NAXD: variants seen among roughly 807,000 people sequenced by gnomAD.
The protein encoded by NAXD is NAD(P)HX dehydratase.
Under a neutral mutation model 35.8 loss-of-function variants are expected in NAXD, and 22 were observed. The ratio of observed to expected loss-of-function variants is 0.62; its 90% CI spans 0.44 to 0.88. NAXD has a LOEUF of 0.88. Among genes scored for constraint, NAXD ranks in the 40% least tolerant of loss-of-function variants. NAXD has a pLI of 0.00. For synonymous variants in NAXD, 189 were observed against 177.6 expected, an observed-to-expected ratio of 1.06 and a Z score of -0.51; for missense variants, 428 against 437.7, an observed-to-expected ratio of 0.98 and a Z score of 0.20.
chr13:110,637,229 T>G lies in NAXD; in HGVS notation c.819T>G (p.Ala273=). ...TCCTGGTACACTGGGCGCTCCTTGC[T>G]GGACCACAGAAAACAAATGGGTAAG... is the stretch of plus-strand genomic sequence containing the variant. The part of the protein sequence containing the change: ...LGVLVHWALL[A]GPQKTNGSSP... The change falls in exon 9 of 10, where the codon GCT becomes GCG. Residue 273 remains alanine, a synonymous_variant. Coordinates refer to ENST00000680254, the MANE Select transcript of NAXD (RefSeq NM_001242882.2). The G allele has an allele frequency of 6.2e-7, 1 of 1,614,126 alleles. No homozygotes were observed. The highest frequency in any genetic ancestry group is 8.5e-7 in the Non-Finnish European group (1 of 1,180,008).
chr13:110,639,784 C>T lies in NAXD; in HGVS notation c.*1256C>T, dbSNP rs1414309409. 1.3e-5 allele frequency: 2 copies of T among 152,224 alleles called. No homozygotes were observed. Among genetic ancestry groups the T allele is most frequent in the South Asian group, 4.2e-4 (2 of 4,816 alleles). 9.4% of individuals were successfully genotyped at this position (152,224 alleles called of 1,614,324 possible). On this transcript the variant is annotated 3_prime_UTR_variant, in exon 10 of 10. Coordinates refer to ENST00000680254, the MANE Select transcript of NAXD (RefSeq NM_001242882.2). ...GACTCTTGAGTGATACCCTGTGATGCAGACATGCCCCAGATGGATTCTACT... is the reference window on the plus strand; with the variant it reads ...GACTCTTGAGTGATACCCTGTGATGTAGACATGCCCCAGATGGATTCTACT...
chr13:110,634,199 G>T (rs7323602), intron 5 of NAXD, among the ~76,000 whole-genome samples: 21,643 of 152,106 alleles, frequency 0.14, 1,810 homozygotes, highest in Admixed American at 0.26. Flanking sequence ...TCAATTTTCT[G>T]TCACTCTTGG....
intron 5 of NAXD, 67 bp downstream of exon 5, chr13:110,627,614 G>T (rs541251719): frequency 9.2e-6 from 10 of 1,092,158 alleles, no homozygotes; most frequent in Admixed American, 5.3e-5. Flanking sequence ...TGGAACAGAG[G>T]CATTTCTCTT....
At chr13:110,635,714 C>A (rs1350300508) in intron 8 of NAXD, 126 bp downstream of exon 8, 7 of 1,096,234 alleles carry the variant, frequency 6.4e-6, no homozygotes, top group Non-Finnish European at 7.8e-6. Flanking sequence ...ACAGGGATTC[C>A]TGATGAGCTC....
In NAXD at chr13:110,638,159, A is replaced by G; in HGVS notation, c.840-219A>G. The G allele has an allele frequency of 7.4e-7, 1 of 1,360,098 alleles. No individual in the cohort carries two copies. Among genetic ancestry groups the G allele is most frequent in the Non-Finnish European group, 1.0e-6 (1 of 991,050 alleles). The allele number at this position is 1,360,098 out of a possible 1,614,324, so 84.3% of individuals were successfully genotyped here. A position where few individuals can be genotyped will look rare whatever the true frequency, so the allele number is the denominator to read the frequency against. On this transcript the variant is annotated intron_variant, in intron 9 of 9. Coordinates refer to ENST00000680254, the MANE Select transcript of NAXD (RefSeq NM_001242882.2). The surrounding 1 kb of genome is among the most constrained non-coding windows in gnomAD (Gnocchi z 5.4). ...GCCCTGGACCTGTCTCCGAGTACATAGACGTTTCCTGTGTGCCTCCTGCCA... is the reference window on the plus strand; with the variant it reads ...GCCCTGGACCTGTCTCCGAGTACATGGACGTTTCCTGTGTGCCTCCTGCCA...
chr13:110,638,585 T>C lies in NAXD; in HGVS notation c.*57T>C. ...TGGACGGGGGAGAGCGTGTGTGTGA[T>C]GGGAAAATCCGGACCCACGCGTGTG... On this transcript the variant is annotated 3_prime_UTR_variant, in exon 10 of 10. Coordinates refer to ENST00000680254, the MANE Select transcript of NAXD (RefSeq NM_001242882.2). The surrounding 1 kb of genome is among the most constrained non-coding windows in gnomAD (Gnocchi z 5.4). 1 of 1,599,946 alleles carries C rather than the reference T, an allele frequency of 6.3e-7. No homozygotes were observed.
intron 1 of NAXD, 79 bp downstream of exon 1, chr13:110,615,726 G>C: frequency 6.6e-7 from 1 of 1,510,898 alleles, no homozygotes; most frequent in Non-Finnish European, 8.8e-7. Flanking sequence ...GGTCGTTGTC[G>C]CATTGCTCTC....
At chr13:110,619,401 T>C (rs2139627462) in intron 1 of NAXD, among the ~76,000 whole-genome samples, 1 of 152,306 alleles carries the variant, frequency 6.6e-6, no homozygotes, top group South Asian at 2.1e-4. Context: ...TACACATTTA[T>C]GAAGTATTAC....
At chr13:110,629,782 C>T (rs1886637366) in intron 5 of NAXD, among the ~76,000 whole-genome samples, 1 of 152,296 alleles carries the variant, frequency 6.6e-6, no homozygotes, top group East Asian at 1.9e-4. Context: ...TTAAGTGTTT[C>T]ACATTTTGAG....
chr13:110,630,158 A>G (rs1886650605), intron 5 of NAXD, among the ~76,000 whole-genome samples: 1 of 151,904 alleles, frequency 6.6e-6, no homozygotes. Flanking sequence ...GCCTCCAAGT[A>G]GCTTGGACTA....
At chr13:110,615,513 CGGAGGCGGTCG>C, upstream of NAXD, 1 of 1,241,082 alleles carries the variant, frequency 8.1e-7, no homozygotes, top group Non-Finnish European at 1.0e-6. Context: ...GACAGCCGCG[CGGAGGCGGTCG>C]GGAAACCGGA....
At chr13:110,629,514 C>G (rs1886626729) in intron 5 of NAXD, among the ~76,000 whole-genome samples, 1 of 152,222 alleles carries the variant, frequency 6.6e-6, no homozygotes, top group Non-Finnish European at 1.5e-5. Flanking sequence ...AGTATGCTTT[C>G]TGTCTCTCTG....
In NAXD at chr13:110,638,787, G is replaced by A; in HGVS notation, c.*259G>A. 4.7e-6 allele frequency: 3 copies of A among 639,350 alleles called. No homozygotes were observed. The highest frequency in any genetic ancestry group is 2.7e-4 in the Middle Eastern group (1 of 3,750). 39.6% of individuals were successfully genotyped at this position (639,350 alleles called of 1,614,324 possible). A position where few individuals can be genotyped will look rare whatever the true frequency, so the allele number is the denominator to read the frequency against. ...TCCTTAGCTCCTTGGTAGTAACTGGGAAGACAGAAATGAAGAAAATCACAT... is the reference window on the plus strand; with the variant it reads ...TCCTTAGCTCCTTGGTAGTAACTGGAAAGACAGAAATGAAGAAAATCACAT... On this transcript the variant is annotated 3_prime_UTR_variant, in exon 10 of 10. Transcript: ENST00000680254. The surrounding 1 kb of genome is among the most constrained non-coding windows in gnomAD (Gnocchi z 5.4).
At chr13:110,633,090 G>A (rs549072773) in intron 5 of NAXD, among the ~76,000 whole-genome samples, 5 of 152,146 alleles carry the variant, frequency 3.3e-5, no homozygotes, top group Non-Finnish European at 7.4e-5. Flanking sequence ...GGTGGTGCTC[G>A]TCGGGGAGGC....
At chr13:110,634,045 G>T (rs1038994410) in intron 5 of NAXD, among the ~76,000 whole-genome samples, 1 of 151,814 alleles carries the variant, frequency 6.6e-6, no homozygotes, top group Non-Finnish European at 1.5e-5. Context: ...AGTGGGCTTC[G>T]CCTTTCAGAG....
At chr13:110,616,504 C>T (rs1594164856) in intron 1 of NAXD, among the ~76,000 whole-genome samples, 1 of 152,202 alleles carries the variant, frequency 6.6e-6, no homozygotes, top group African/African-American at 2.4e-5. Context: ...CAGATGTCCC[C>T]GAGGGCCCTG....
Position 110,638,748 on chromosome 13 carries a change from G to A in NAXD, c.*220G>A. The A allele has an allele frequency of 1.4e-6, 1 of 699,928 alleles. No homozygotes were observed. Among genetic ancestry groups the A allele is most frequent in the Non-Finnish European group, 2.6e-6 (1 of 385,352 alleles). 43.4% of individuals were successfully genotyped at this position (699,928 alleles called of 1,614,324 possible). A position where few individuals can be genotyped will look rare whatever the true frequency, so the allele number is the denominator to read the frequency against. On this transcript the variant is annotated 3_prime_UTR_variant, in exon 10 of 10. Coordinates refer to ENST00000680254, the MANE Select transcript of NAXD (RefSeq NM_001242882.2). The surrounding 1 kb of genome is among the most constrained non-coding windows in gnomAD (Gnocchi z 5.4). The stretch of plus-strand genomic sequence containing the variant: ...AGATGTTATGGCGACACTAAACAAA[G>A]TATTCCTGAACTTTCCTTAGCTCCT...
At chr13:110,624,465 CAT>C in intron 3 of NAXD, among the ~76,000 whole-genome samples, 186 bp downstream of exon 3, 1 of 152,204 alleles carries the variant, frequency 6.6e-6, no homozygotes, top group African/African-American at 2.4e-5. Context: ...AGTTGAAGCT[CAT>C]TTTTTTTTGA....
chr13:110,624,135 A>G (rs560698368), intron 2 of NAXD, 99 bp from the exon 3 acceptor site: 46 of 727,010 alleles, frequency 6.3e-5, no homozygotes, highest in Non-Finnish European at 1.0e-4. Context: ...AACCATGTCT[A>G]TATTATTTAT....
Sources: allele counts gnomAD v4.1 joint callset (sites outside exome capture counted in the v4.1 genomes callset), GRCh38; gene constraint gnomAD v4.1.1; non-coding constraint Gnocchi (gnomAD v3.1); transcripts MANE v1.5; gene names NCBI Gene and HGNC (gene_info 2026-07-23, HGNC 2026-07-21).